Variants in CNTNAP2 observed in about 807,000 individuals in gnomAD.
CNTNAP2 encodes the protein contactin-associated protein-like 2.
Under a neutral mutation model 155.2 loss-of-function variants are expected in CNTNAP2, and 98 were observed. The ratio of observed to expected loss-of-function variants is 0.63; its 90% CI spans 0.54 to 0.75. CNTNAP2 has a LOEUF of 0.75. Ranked by LOEUF, CNTNAP2 falls within the 30% of genes least tolerant of loss-of-function variation. The pLI, the probability that CNTNAP2 is intolerant of heterozygous loss-of-function variation, is 0.00. For synonymous variants in CNTNAP2, 651 were observed against 631.2 expected (o/e 1.03, Z -0.47); for missense variants, 1,727 against 1,688.1 (o/e 1.02, Z -0.40).
intron 1 of CNTNAP2, among the ~76,000 whole-genome samples, chr7:146,359,407 A>G (rs1355254997): frequency 3.9e-5 from 6 of 152,198 alleles, no homozygotes; most frequent in Admixed American, 6.5e-5. Context: ...TCTAAAGTCT[A>G]TCTAACTCCA....
In CNTNAP2 at chr7:148,409,639, G is replaced by T. The variant is rs935571383; in HGVS notation, c.3796+168G>T. ...GTGAAGAAATATAGTAAATATAGCC[G>T]GGCACAGTGGCTCACCTCTGTTATC... On this transcript the variant is annotated intron_variant, in intron 23 of 23. Transcript: ENST00000361727. Among the ~76,000 whole-genome samples the T allele has an allele frequency of 7.9e-5, 12 of 151,782 alleles. 1 individual carries two copies. Among genetic ancestry groups the T allele is most frequent in the African/African-American group, 2.9e-4 (12 of 41,242 alleles).
At chr7:148,024,842 C>G (rs1047707874) in intron 15 of CNTNAP2, among the ~76,000 whole-genome samples, 2 of 152,156 alleles carry the variant, frequency 1.3e-5, no homozygotes, top group Non-Finnish European at 2.9e-5. Context: ...CCTGCCTTCT[C>G]CTTTCTTTGA....
chr7:148,132,869 A>C (rs184621580), intron 16 of CNTNAP2, among the ~76,000 whole-genome samples: 1 of 152,192 alleles, frequency 6.6e-6, no homozygotes, highest in South Asian at 2.1e-4. Flanking sequence ...TCCACTCTGA[A>C]ACTTCTATGA....
intron 1 of CNTNAP2, among the ~76,000 whole-genome samples, chr7:146,578,830 T>A (rs1292482866): frequency 6.6e-6 from 1 of 152,174 alleles, no homozygotes; most frequent in African/African-American, 2.4e-5. Flanking sequence ...TGTAGACAGT[T>A]AGTAAATGTG....
intron 3 of CNTNAP2, among the ~76,000 whole-genome samples, chr7:146,965,375 A>G (rs1315350719): frequency 6.8e-6 from 1 of 148,032 alleles, no homozygotes; most frequent in African/African-American, 2.5e-5. Context: ...GCTAGGAACC[A>G]GTGTTGGACA....
chr7:147,676,056 T>C (rs1460396981), intron 13 of CNTNAP2, among the ~76,000 whole-genome samples: 2 of 152,224 alleles, frequency 1.3e-5, no homozygotes, highest in East Asian at 1.9e-4. Flanking sequence ...TTATTGATTA[T>C]ATGGATTTTA....
intron 1 of CNTNAP2, among the ~76,000 whole-genome samples, chr7:146,509,837 C>T (rs1797440444): frequency 6.6e-6 from 1 of 152,182 alleles, no homozygotes; most frequent in South Asian, 2.1e-4. Context: ...AGGCACACTC[C>T]TTCTCAGTGC....
intron 16 of CNTNAP2, among the ~76,000 whole-genome samples, chr7:148,122,467 A>G (rs985880729): frequency 6.6e-6 from 1 of 152,216 alleles, no homozygotes; most frequent in Admixed American, 6.5e-5. Flanking sequence ...AGGAAGTTTC[A>G]GGATAACACC....
chr7:146,484,707 G>T (rs1194859397), intron 1 of CNTNAP2, among the ~76,000 whole-genome samples: 1 of 152,104 alleles, frequency 6.6e-6, no homozygotes, highest in East Asian at 1.9e-4. Flanking sequence ...TTGACTTTTG[G>T]AAGGTAGAAG....
intron 13 of CNTNAP2, among the ~76,000 whole-genome samples, chr7:147,735,229 T>TCTCATTGG (rs1419496034): frequency 6.6e-6 from 1 of 152,214 alleles, no homozygotes; most frequent in Admixed American, 6.5e-5. Flanking sequence ...GTGTCTTCAT[T>TCTCATTGG]CTCATTGGTT....
chr7:147,406,176 C>T (rs1362333994), intron 10 of CNTNAP2, among the ~76,000 whole-genome samples: 3 of 149,018 alleles, frequency 2.0e-5, no homozygotes, highest in African/African-American at 7.6e-5. Context: ...CTTTGCATTC[C>T]AAATACAGAG....
At chr7:146,251,734 C>T (rs1799760114) in intron 1 of CNTNAP2, among the ~76,000 whole-genome samples, 1 of 152,124 alleles carries the variant, frequency 6.6e-6, no homozygotes, top group African/African-American at 2.4e-5. Flanking sequence ...ATGATTATTT[C>T]CAAAGGTTAC....
intron 8 of CNTNAP2, among the ~76,000 whole-genome samples, chr7:147,154,616 A>G (rs1447663591): frequency 6.6e-6 from 1 of 152,160 alleles, no homozygotes; most frequent in Non-Finnish European, 1.5e-5. Context: ...TTCTCAGGAA[A>G]GGCATGGCAG....
At chr7:148,034,918 G>C (rs1044324817) in intron 15 of CNTNAP2, among the ~76,000 whole-genome samples, 2 of 152,216 alleles carry the variant, frequency 1.3e-5, no homozygotes, top group African/African-American at 4.8e-5. Context: ...TAGCTTATTA[G>C]AAACTGGAGT....
At chr7:146,900,676 C>T (rs1795974300) in intron 3 of CNTNAP2, among the ~76,000 whole-genome samples, 1 of 152,176 alleles carries the variant, frequency 6.6e-6, no homozygotes, top group Admixed American at 6.5e-5. Flanking sequence ...CTGTGTTTCT[C>T]CCCAGACTCC....
chr7:146,922,051 A>G (rs886914049), intron 3 of CNTNAP2, among the ~76,000 whole-genome samples: 6 of 152,186 alleles, frequency 3.9e-5, no homozygotes, highest in Non-Finnish European at 5.9e-5. Flanking sequence ...GTACCCTTTC[A>G]GAATGATAGA....
chr7:147,391,749 A>C (rs1796721616), intron 9 of CNTNAP2, among the ~76,000 whole-genome samples: 1 of 152,012 alleles, frequency 6.6e-6, no homozygotes, highest in African/African-American at 2.4e-5. Flanking sequence ...GGAATACCTA[A>C]TAATTTTCTT....
At chr7:146,924,496 C>A (rs1297185397) in intron 3 of CNTNAP2, among the ~76,000 whole-genome samples, 8 of 152,098 alleles carry the variant, frequency 5.3e-5, no homozygotes, top group Admixed American at 3.9e-4. Flanking sequence ...GTGAGACATT[C>A]AGCAGCCAGA....
At chr7:146,972,474 A>G (rs569258738) in intron 3 of CNTNAP2, among the ~76,000 whole-genome samples, 2 of 152,350 alleles carry the variant, frequency 1.3e-5, no homozygotes, top group Non-Finnish European at 2.9e-5. Context: ...AATGGAATAC[A>G]TAGCACAAAA....
Sources: allele counts gnomAD v4.1 joint callset (sites outside exome capture counted in the v4.1 genomes callset), GRCh38; gene constraint gnomAD v4.1.1; transcripts MANE v1.5; gene names NCBI Gene and HGNC (gene_info 2026-07-23, HGNC 2026-07-21).